METAP1: variants seen among roughly 807,000 people sequenced by gnomAD.
The protein encoded by METAP1 is methionyl aminopeptidase 1.
A neutral mutation model predicts 53.8 loss-of-function variants in METAP1; 28 were observed. The observed-to-expected ratio is 0.52, with a 90% CI of 0.39 to 0.71. The LOEUF is 0.71. METAP1 is among the 30% of genes least tolerant of loss of function. The probability of loss-of-function intolerance (pLI) is 0.00; values close to 1 mark genes in which losing one functional copy is unlikely to be tolerated. For missense variants in METAP1, 389 were observed against 479.8 expected (o/e 0.81, Z 1.77); for synonymous variants, 181 against 165.7 (o/e 1.09, Z -0.71).
intron 6 of METAP1, 44 bp from the exon 7 acceptor site, chr4:99,043,205 A>G (rs1726000987): frequency 1.4e-6 from 2 of 1,392,208 alleles, no homozygotes; most frequent in Non-Finnish European, 9.7e-7. Context: ...TTTCATACAG[A>G]TTTTTTCTTT....
intron 1 of METAP1, among the ~76,000 whole-genome samples, chr4:99,012,678 T>TTA (rs1424099608): frequency 1.4e-5 from 2 of 145,492 alleles, no homozygotes; most frequent in Non-Finnish European, 3.0e-5. Flanking sequence ...TTTTTTTTTT[T>TTA]AAAGATTTAA....
intron 1 of METAP1, among the ~76,000 whole-genome samples, chr4:98,998,395 C>T (rs1275308320): frequency 2.0e-5 from 3 of 152,096 alleles, no homozygotes; most frequent in Non-Finnish European, 2.9e-5. Flanking sequence ...TGGTGGCACA[C>T]GCCTGTAGTC....
rs563114069 is a variant in METAP1, at chr4:99,035,757, C to T, written c.340+297C>T. On this transcript the variant is annotated intron_variant, in intron 4 of 10. Transcript: ENST00000296411. ...ACAGTTTTTAATTTTAATATTCCCTCCTATCTAAATTAAACAATATCTATT... is the reference window on the plus strand; with the variant it reads ...ACAGTTTTTAATTTTAATATTCCCTTCTATCTAAATTAAACAATATCTATT... 2.7e-4 allele frequency among the ~76,000 whole-genome samples: 41 copies of T among 152,174 alleles called. No individual in the cohort carries two copies. In the South Asian group the frequency reaches 7.5e-3, roughly 28 times the overall value.
rs56693372 is a variant in METAP1 at position 99,006,282 on chromosome 4, A to T, written c.114+10415A>T. On this transcript the variant is annotated intron_variant, in intron 1 of 10. Coordinates refer to ENST00000296411, the MANE Select transcript of METAP1 (RefSeq NM_015143.3). Reference sequence around the variant, plus strand: ...ACAGGGAAGTGCTAGTGAATGTTATAGACAAGGAACTATGTTTTCCTTGAA... The same window carrying T: ...ACAGGGAAGTGCTAGTGAATGTTATTGACAAGGAACTATGTTTTCCTTGAA... Among the ~76,000 whole-genome samples, 1,095 of 152,348 alleles carry T rather than the reference A, an allele frequency of 7.2e-3. 8 individuals carry two copies. Among genetic ancestry groups the T allele is most frequent in the African/African-American group, 0.025 (1,036 of 41,574 alleles).
At position 99,001,227 on chromosome 4, in the gene METAP1, A is replaced by G. The variant is rs554248256; in HGVS notation, c.114+5360A>G. On this transcript the variant is annotated intron_variant, in intron 1 of 10. Coordinates refer to ENST00000296411, the MANE Select transcript of METAP1 (RefSeq NM_015143.3). ...GGATTTTCTTTAAATTCCTCATGTC[A>G]CTTCAGACCACCCTTAAACACTCCT... Among the ~76,000 whole-genome samples the G allele has an allele frequency of 5.3e-5, 8 of 152,256 alleles. No individual in the cohort carries two copies. The South Asian group carries it at 1.5e-3, about 28-fold the overall frequency.
At chr4:98,999,535 G>A (rs373669772) in intron 1 of METAP1, among the ~76,000 whole-genome samples, 43 of 128,284 alleles carry the variant, frequency 3.4e-4, no homozygotes, top group African/African-American at 1.2e-3. Flanking sequence ...TTTTGAGACC[G>A]AGTCTTGCTC....
chr4:99,035,554 G>A, intron 4 of METAP1, 94 bp downstream of exon 4: 2 of 883,756 alleles, frequency 2.3e-6, no homozygotes, highest in Non-Finnish European at 3.6e-6. Flanking sequence ...AAATTTTTCA[G>A]TGCTGGACTT....
intron 1 of METAP1, among the ~76,000 whole-genome samples, chr4:99,003,498 G>T (rs1242227804): frequency 6.6e-6 from 1 of 152,154 alleles, no homozygotes; most frequent in Non-Finnish European, 1.5e-5. Flanking sequence ...TGGTAATAGG[G>T]ATGGGATTGA....
At chr4:99,052,943 A>G (rs754012121) in intron 9 of METAP1, among the ~76,000 whole-genome samples, 1 of 152,160 alleles carries the variant, frequency 6.6e-6, no homozygotes, top group Non-Finnish European at 1.5e-5. Flanking sequence ...CATCTTCTCT[A>G]TGGGTAGATT....
At chr4:99,024,347 A>G (rs1049779227) in intron 1 of METAP1, among the ~76,000 whole-genome samples, 2 of 152,226 alleles carry the variant, frequency 1.3e-5, no homozygotes, top group African/African-American at 4.8e-5. Flanking sequence ...TTCCTGGCCA[A>G]ATAAACCCCT....
intron 4 of METAP1, among the ~76,000 whole-genome samples, chr4:99,038,488 A>G (rs527671055): frequency 1.3e-5 from 2 of 152,044 alleles, no homozygotes; most frequent in South Asian, 4.1e-4. Context: ...TAGATTTGTC[A>G]GTATTGAACT....
chr4:98,999,604 G>C (rs538009829), intron 1 of METAP1, among the ~76,000 whole-genome samples: 1 of 144,392 alleles, frequency 6.9e-6, no homozygotes, highest in African/African-American at 2.6e-5. Flanking sequence ...TCTGCCTCCC[G>C]GGTTCAAGCG....
chr4:99,006,593 A>G (rs1007805116), intron 1 of METAP1, among the ~76,000 whole-genome samples: 5 of 152,188 alleles, frequency 3.3e-5, no homozygotes, highest in African/African-American at 4.8e-5. Context: ...CTATAATACT[A>G]TTATTACACC....
intron 1 of METAP1, among the ~76,000 whole-genome samples, chr4:99,024,517 C>T (rs1412008520): frequency 6.6e-6 from 1 of 152,128 alleles, no homozygotes; most frequent in Non-Finnish European, 1.5e-5. Context: ...AAGCTGTCCT[C>T]TTGTGCCGAG....
intron 5 of METAP1, 117 bp downstream of exon 5, chr4:99,039,582 A>C: frequency 1.9e-6 from 1 of 540,096 alleles, no homozygotes; most frequent in Non-Finnish European, 3.1e-6. Flanking sequence ...CTGACCAGCC[A>C]TGCTTTTTTT....
chr4:99,028,800 C>A, intron 1 of METAP1, 67 bp from the exon 2 acceptor site: 2 of 1,181,022 alleles, frequency 1.7e-6, no homozygotes, highest in Non-Finnish European at 2.4e-6. Context: ...TGCTTATATA[C>A]AATATTCCTT....
intron 1 of METAP1, among the ~76,000 whole-genome samples, chr4:99,006,288 G>A (rs1723175691): frequency 1.3e-5 from 2 of 152,138 alleles, no homozygotes; most frequent in African/African-American, 4.8e-5. Flanking sequence ...TTATAGACAA[G>A]GAACTATGTT....
Position 98,995,877 on chromosome 4 carries a change from C to T in METAP1, c.114+10C>T, listed in dbSNP as rs1560685412. 2 of 1,532,292 alleles carry T rather than the reference C, an allele frequency of 1.3e-6. No individual in the cohort carries two copies. The highest frequency in any genetic ancestry group is 1.8e-6 in the Non-Finnish European group (2 of 1,135,366). 94.9% of individuals were successfully genotyped at this position (1,532,292 alleles called of 1,614,324 possible). A position where few individuals can be genotyped will look rare whatever the true frequency, so the allele number is the denominator to read the frequency against. ...GTACTTCTGCTCGCAGGTAGGCGCC[C>T]GCTGCCCCGCGGATATGCCGCCGCT... is the stretch of plus-strand genomic sequence containing the variant. On this transcript the variant is annotated intron_variant, in intron 1 of 10. Transcript: ENST00000296411.
Position 99,061,379 on chromosome 4 carries a change from C to G in METAP1, c.*62C>G. The G allele has an allele frequency of 6.9e-7, 1 of 1,452,450 alleles. No homozygotes were observed. 90.0% of individuals were successfully genotyped at this position (1,452,450 alleles called of 1,614,324 possible). Reference sequence around the variant, plus strand: ...TGTGCTATGCATTTTATTGAGAGTACAGAAAGGAAGAGGAACCTTTTTTTA... The same window carrying G: ...TGTGCTATGCATTTTATTGAGAGTAGAGAAAGGAAGAGGAACCTTTTTTTA... On this transcript the variant is annotated 3_prime_UTR_variant, in exon 11 of 11. Transcript: ENST00000296411.
Sources: allele counts gnomAD v4.1 joint callset (sites outside exome capture counted in the v4.1 genomes callset), GRCh38; gene constraint gnomAD v4.1.1; transcripts MANE v1.5; gene names NCBI Gene and HGNC (gene_info 2026-07-23, HGNC 2026-07-21).